Variants in ABLIM1 observed in about 807,000 individuals in gnomAD.
ABLIM1 encodes the protein actin binding LIM protein 1.
ABLIM1 carries 40 observed loss-of-function variants against 107.0 expected under a neutral mutation model. The ratio of observed to expected loss-of-function variants is 0.37; its 90% CI spans 0.29 to 0.49. The LOEUF is 0.49. Ranked by LOEUF, ABLIM1 falls within the 20% of genes least tolerant of loss-of-function variation. The pLI, the probability that ABLIM1 is intolerant of heterozygous loss-of-function variation, is 0.97. For synonymous variants in ABLIM1, 357 were observed against 357.3 expected (o/e 1.00, Z 0.01); for missense variants, 857 against 1,008.5 (o/e 0.85, Z 2.04).
At chr10:114,500,740 AGGG>A (rs1476810546) in intron 6 of ABLIM1, among the ~76,000 whole-genome samples, 8,598 of 90,700 alleles carry the variant, frequency 0.095, 760 homozygotes, top group Non-Finnish European at 0.13. Context: ...AAGGAAGGGA[AGGG>A]AAGGGAAGGG....
chr10:114,437,733 C>G, intron 22 of ABLIM1, 111 bp downstream of exon 22: 2 of 906,874 alleles, frequency 2.2e-6, no homozygotes, highest in East Asian at 4.9e-5. Flanking sequence ...TGAGGGTGAT[C>G]TTTATAATTT....
chr10:114,601,789 T>C, intron 2 of ABLIM1, 38 bp downstream of exon 2: 1 of 1,614,050 alleles, frequency 6.2e-7, no homozygotes, highest in Non-Finnish European at 8.5e-7. Flanking sequence ...GCCCCGACCA[T>C]GGCATGCCAC....
chr10:114,738,825 A>G (rs112059531), intron 1 of ABLIM1, among the ~76,000 whole-genome samples: 1,764 of 152,278 alleles, frequency 0.012, 35 homozygotes, highest in African/African-American at 0.04. Flanking sequence ...GAGGAAGGAA[A>G]GATAGACTTC....
rs377352513 is a variant in ABLIM1 at position 114,558,902 on chromosome 10, A to AGTGTGT, written c.674-11132_674-11127dup. Among the ~76,000 whole-genome samples the AGTGTGT allele has an allele frequency of 8.6e-3, 1,276 of 148,690 alleles. 25 individuals carry two copies. The highest frequency in any genetic ancestry group is 0.03 in the African/African-American group (1,182 of 39,116). The stretch of plus-strand genomic sequence containing the variant: ...GTTTCAGGTCCTGTCAGGGAGAACT[A>AGTGTGT]GTGTGTGTGTCTGTGTGTGTGTGTG... On this transcript the variant is annotated intron_variant, in intron 4 of 22. Coordinates refer to ENST00000533213, the MANE Select transcript of ABLIM1 (RefSeq NM_002313.7).
chr10:114,477,951 T>C (rs533058658), intron 8 of ABLIM1, among the ~76,000 whole-genome samples: 1 of 152,212 alleles, frequency 6.6e-6, no homozygotes, highest in African/African-American at 2.4e-5. Flanking sequence ...CTTGAACTCC[T>C]GACCTCATGA....
At chr10:114,779,769 T>C in the ABLIM1 span, 1 of 152,190 alleles carries the variant, frequency 6.6e-6, no homozygotes, top group African/African-American at 2.4e-5. Context: ...ATTTTTCTTT[T>C]GCGAGTCATT....
chr10:114,578,440 C>T (rs1386652787), intron 2 of ABLIM1, among the ~76,000 whole-genome samples: 7 of 147,530 alleles, frequency 4.7e-5, no homozygotes, highest in African/African-American at 1.8e-4. Context: ...GAGTTTCGCT[C>T]TTGCTGTCCA....
chr10:114,540,067 T>C (rs558498337), intron 6 of ABLIM1, among the ~76,000 whole-genome samples: 2 of 152,290 alleles, frequency 1.3e-5, no homozygotes, highest in East Asian at 3.9e-4. Context: ...ATGTACCATT[T>C]ATAGCAAGAT....
At position 114,487,960 on chromosome 10, in the gene ABLIM1, G is replaced by A. The variant is rs769723095; in HGVS notation, c.1039C>T (p.Arg347Trp). 10 of 1,613,946 alleles carry A rather than the reference G, an allele frequency of 6.2e-6. No homozygotes were observed. In the East Asian group the frequency reaches 8.9e-5, roughly 14 times the overall value. The change falls in exon 8 of 23, where the codon CGG becomes TGG. Residue 347 changes from arginine (R) to tryptophan (W), a missense_variant and splice_region_variant. Around this residue, in one of 5 missense-constraint regions of ABLIM1, gnomAD observed 381 missense variants for 506.9 expected, o/e 0.75. Transcript: ENST00000533213. ...TCATGTTTTAATTGTGTCCTTACCC[G>A]CAGCTTTTCCTCGGTCTTCGTAGAT... ...KQSTKTEEKL[R>W]PTRTSSESIY...
At chr10:114,692,764 C>A (rs2141731937) in intron 1 of ABLIM1, among the ~76,000 whole-genome samples, 1 of 152,206 alleles carries the variant, frequency 6.6e-6, no homozygotes, top group Non-Finnish European at 1.5e-5. Flanking sequence ...GTGGCGGGTA[C>A]CTGTAGTCCC....
intron 8 of ABLIM1, among the ~76,000 whole-genome samples, chr10:114,478,001 C>T (rs11196758): frequency 0.14 from 22,028 of 152,196 alleles, 2,282 homozygotes; most frequent in East Asian, 0.51. Context: ...GGATTACAGA[C>T]GTGAGCCATA....
chr10:114,694,191 C>G (rs2081148116), intron 1 of ABLIM1, among the ~76,000 whole-genome samples: 1 of 152,194 alleles, frequency 6.6e-6, no homozygotes, highest in African/African-American at 2.4e-5. Context: ...GATCTGTCTG[C>G]TGGCTGTGAC....
At chr10:114,709,487 G>T (rs2081498550) in intron 1 of ABLIM1, among the ~76,000 whole-genome samples, 1 of 152,136 alleles carries the variant, frequency 6.6e-6, no homozygotes, top group Non-Finnish European at 1.5e-5. Flanking sequence ...CATTTTTAAT[G>T]GCCACTATGT....
chr10:114,589,199 CTGTG>C (rs1209195482), intron 2 of ABLIM1, among the ~76,000 whole-genome samples: 1 of 145,912 alleles, frequency 6.9e-6, no homozygotes, highest in East Asian at 2.0e-4. Context: ...GTGTGTGTGT[CTGTG>C]TGTGTGTGTG....
intron 12 of ABLIM1, among the ~76,000 whole-genome samples, chr10:114,460,831 T>G (rs998994963): frequency 6.6e-6 from 1 of 152,158 alleles, no homozygotes; most frequent in Non-Finnish European, 1.5e-5. Flanking sequence ...ACTCTCCACA[T>G]GGCCACTCAT....
intron 1 of ABLIM1, among the ~76,000 whole-genome samples, chr10:114,752,395 G>A (rs1459546032): frequency 1.3e-5 from 2 of 152,176 alleles, no homozygotes; most frequent in Admixed American, 6.5e-5. Flanking sequence ...ACCTTTGGAC[G>A]CAACCTTAAA....
At chr10:114,548,136 T>C (rs2067603079) in intron 4 of ABLIM1, among the ~76,000 whole-genome samples, 2 of 152,200 alleles carry the variant, frequency 1.3e-5, no homozygotes, top group Admixed American at 1.3e-4. Context: ...CATAGGCATT[T>C]ATTAATTGAG....
At position 114,638,748 on chromosome 10, in the gene ABLIM1, G is replaced by T. The variant is rs147294666; in HGVS notation, c.244+19209C>A. Among the ~76,000 whole-genome samples the T allele has an allele frequency of 2.0e-5, 3 of 152,192 alleles. No homozygotes were observed. In the East Asian group the frequency reaches 5.8e-4, roughly 29 times the overall value. On this transcript the variant is annotated intron_variant, in intron 1 of 22. Coordinates refer to ENST00000533213, the MANE Select transcript of ABLIM1 (RefSeq NM_002313.7). ...GGCCTGGCCTGATAGCAATGATGCT[G>T]CCCTTTGCCTTGCCTGTGTAAAGCA...
chr10:114,763,255 T>C (rs1420839976), intron 1 of ABLIM1, among the ~76,000 whole-genome samples: 3 of 152,188 alleles, frequency 2.0e-5, no homozygotes, highest in Non-Finnish European at 2.9e-5. Flanking sequence ...GAGGTTTTGA[T>C]AGGAAGGGAG....
Sources: allele counts gnomAD v4.1 joint callset (sites outside exome capture counted in the v4.1 genomes callset), GRCh38; gene constraint gnomAD v4.1.1; regional missense constraint gnomAD v4.1.1; transcripts MANE v1.5; gene names NCBI Gene and HGNC (gene_info 2026-07-23, HGNC 2026-07-21).